Variants in PACC1 observed in about 807,000 individuals in gnomAD.
PACC1 encodes proton activated chloride channel 1.
A neutral mutation model predicts 39.7 loss-of-function variants in PACC1; 34 were observed. The observed-to-expected ratio is 0.86, with a 90% CI of 0.65 to 1.14. The LOEUF is 1.14. PACC1 is among the 50% of genes most tolerant of loss of function. The pLI is 0.00. For synonymous variants in PACC1, 127 were observed against 160.6 expected (o/e 0.79, Z 1.58); for missense variants, 379 against 436.4 (o/e 0.87, Z 1.17).
At chr1:212,397,832 T>G (rs1052391480) in intron 2 of PACC1, among the ~76,000 whole-genome samples, 23 of 152,202 alleles carry the variant, frequency 1.5e-4, no homozygotes, top group African/African-American at 4.8e-4. Context: ...AGAAATAATT[T>G]GGTTTCCATT....
intron 6 of PACC1, among the ~76,000 whole-genome samples, chr1:212,375,746 G>T (rs532563063): frequency 6.6e-6 from 1 of 152,136 alleles, no homozygotes; most frequent in African/African-American, 2.4e-5. Flanking sequence ...TTAGCCAGGT[G>T]TAGTGGTGGG....
rs147482880 is a variant in PACC1, at chr1:212,386,118, C to T, written c.344-693G>A. On this transcript the variant is annotated intron_variant, in intron 3 of 7. Coordinates refer to ENST00000261455, the MANE Select transcript of PACC1 (RefSeq NM_018252.3). The surrounding 1 kb of genome is among the most constrained non-coding windows in gnomAD (Gnocchi z 5.0). ...CCAGCACACCTGACTCTGCTGGAGG[C>T]TGGCAGGAAGCCCCAGAGAGAGGGC... is the stretch of plus-strand genomic sequence containing the variant. Among the ~76,000 whole-genome samples, 6 of 152,252 alleles carry T rather than the reference C, an allele frequency of 3.9e-5. 1 individual carries two copies. In the East Asian group the frequency reaches 1.2e-3, roughly 29 times the overall value.
intron 2 of PACC1, among the ~76,000 whole-genome samples, chr1:212,400,038 C>T (rs1661660756): frequency 6.6e-6 from 1 of 151,912 alleles, no homozygotes; most frequent in Non-Finnish European, 1.5e-5. Flanking sequence ...TAGAAACGGG[C>T]TTTCACCATG....
At chr1:212,390,302 A>AG (rs1558174904) in intron 2 of PACC1, among the ~76,000 whole-genome samples, 2 of 152,012 alleles carry the variant, frequency 1.3e-5, no homozygotes, top group Non-Finnish European at 2.9e-5. Flanking sequence ...GCATGCCTAT[A>AG]ATCCCAGCTA....
At chr1:212,374,191 G>C (rs1424877918) in intron 7 of PACC1, among the ~76,000 whole-genome samples, 1 of 146,772 alleles carries the variant, frequency 6.8e-6, no homozygotes. Context: ...GGAAAATGTG[G>C]TGTGTATATA....
intron 7 of PACC1, among the ~76,000 whole-genome samples, chr1:212,374,134 T>C (rs1343991547): frequency 6.6e-6 from 1 of 151,372 alleles, no homozygotes; most frequent in Admixed American, 6.6e-5. Flanking sequence ...ACAGCCAAGA[T>C]ATGGAATCAA....
intron 2 of PACC1, among the ~76,000 whole-genome samples, chr1:212,408,419 G>A (rs1426910794): frequency 6.6e-6 from 1 of 151,636 alleles, no homozygotes; most frequent in Non-Finnish European, 1.5e-5. Context: ...AGAGTGCAGT[G>A]GCATGATCTC....
chr1:212,412,820 A>C (rs1236618269), intron 1 of PACC1, among the ~76,000 whole-genome samples: 1 of 152,178 alleles, frequency 6.6e-6, no homozygotes, highest in Non-Finnish European at 1.5e-5. Flanking sequence ...CGTTAACAAG[A>C]GCTATCATTC....
intron 1 of PACC1, 28 bp from the exon 2 acceptor site, chr1:212,410,549 A>T: frequency 6.2e-7 from 1 of 1,602,696 alleles, no homozygotes; most frequent in Non-Finnish European, 8.5e-7. Context: ...GAGAGCAAAG[A>T]CAAGTCAGCT....
chr1:212,379,286 G>C (rs180977880), intron 5 of PACC1, among the ~76,000 whole-genome samples: 3 of 151,936 alleles, frequency 2.0e-5, no homozygotes, highest in African/African-American at 7.3e-5. Context: ...TTACTTTATC[G>C]TAAGAATACA....
At chr1:212,385,696 A>G (rs575943624) in intron 3 of PACC1, among the ~76,000 whole-genome samples, 1 of 152,218 alleles carries the variant, frequency 6.6e-6, no homozygotes, top group East Asian at 1.9e-4. Context: ...ACTCCACCTC[A>G]GAGCCCCGCT....
chr1:212,398,190 G>A (rs1661590065), intron 2 of PACC1, among the ~76,000 whole-genome samples: 1 of 152,040 alleles, frequency 6.6e-6, no homozygotes, highest in Non-Finnish European at 1.5e-5. Context: ...AAAGATCATA[G>A]AACTATAATC....
chr1:212,386,371 A>G lies in PACC1; in HGVS notation c.343+520T>C, dbSNP rs569667759. On this transcript the variant is annotated intron_variant, in intron 3 of 7. Transcript: ENST00000261455. The surrounding 1 kb of genome is among the most constrained non-coding windows in gnomAD (Gnocchi z 5.0). The stretch of plus-strand genomic sequence containing the variant: ...TCCCCACTCAGGGACCAGACACCCC[A>G]GTGAGACAGGTATACCCAGTGTGGC... Among the ~76,000 whole-genome samples the G allele has an allele frequency of 6.8e-4, 104 of 152,238 alleles. 1 individual carries two copies. The highest frequency in any genetic ancestry group is 2.3e-3 in the African/African-American group (96 of 41,550).
intron 1 of PACC1, among the ~76,000 whole-genome samples, chr1:212,412,682 G>A (rs917841525): frequency 3.3e-5 from 5 of 152,214 alleles, no homozygotes; most frequent in African/African-American, 7.2e-5. Flanking sequence ...CCCTCCAAGC[G>A]GGGTAAGTGC....
In PACC1 at chr1:212,364,311, T is replaced by C. The variant is rs900286216; in HGVS notation, c.*904A>G. 3.3e-5 allele frequency: 5 copies of C among 152,176 alleles called. No homozygotes were observed. The highest frequency in any genetic ancestry group is 4.8e-5 in the African/African-American group (2 of 41,424). The allele number at this position is 152,176 out of a possible 1,614,324, so 9.4% of individuals were successfully genotyped here. On this transcript the variant is annotated 3_prime_UTR_variant, in exon 8 of 8. Transcript: ENST00000261455. ...ACTCTTTCTGGACACCTGCCATCAG[T>C]TGCCATGCCTAACAAACCCTTCCCT...
chr1:212,413,633 C>A (rs569738101), intron 1 of PACC1, among the ~76,000 whole-genome samples: 3 of 152,256 alleles, frequency 2.0e-5, no homozygotes, highest in Admixed American at 6.5e-5. Flanking sequence ...CTGTGCCAGA[C>A]CCTAGGTGGG....
intron 7 of PACC1, among the ~76,000 whole-genome samples, chr1:212,370,362 G>A (rs1423201056): frequency 5.3e-5 from 8 of 152,282 alleles, no homozygotes; most frequent in African/African-American, 1.2e-4. Context: ...CCAGCTACTC[G>A]GGAGGCTGAG....
chr1:212,399,907 C>G (rs1661654951), intron 2 of PACC1, among the ~76,000 whole-genome samples: 1 of 151,822 alleles, frequency 6.6e-6, no homozygotes, highest in East Asian at 1.9e-4. Flanking sequence ...TGCAATGGTG[C>G]AATCTTGGTT....
In PACC1 at chr1:212,386,434, C is replaced by G. The variant is rs991747363; in HGVS notation, c.343+457G>C. 1.4e-4 allele frequency among the ~76,000 whole-genome samples: 21 copies of G among 152,078 alleles called. No homozygotes were observed. Among genetic ancestry groups the G allele is most frequent in the Admixed American group, 1.0e-3 (16 of 15,278 alleles). On this transcript the variant is annotated intron_variant, in intron 3 of 7. Transcript: ENST00000261455. The surrounding 1 kb of genome is among the most constrained non-coding windows in gnomAD (Gnocchi z 5.0). Reference sequence around the variant, plus strand: ...CTCCAGGCAGGGTTGAATGGCCTCGCCTCCCCTGCCATCCTCCCCACCCCA... The same window carrying G: ...CTCCAGGCAGGGTTGAATGGCCTCGGCTCCCCTGCCATCCTCCCCACCCCA...
Sources: allele counts gnomAD v4.1 joint callset (sites outside exome capture counted in the v4.1 genomes callset), GRCh38; gene constraint gnomAD v4.1.1; non-coding constraint Gnocchi (gnomAD v3.1); transcripts MANE v1.5; gene names NCBI Gene and HGNC (gene_info 2026-07-23, HGNC 2026-07-21).